Variants in GRID1 observed in about 807,000 individuals in gnomAD.
GRID1 encodes glutamate receptor ionotropic, delta-1.
A neutral mutation model predicts 98.0 loss-of-function variants in GRID1; 28 were observed. The observed-to-expected ratio is 0.29, with a 90% confidence interval of 0.21 to 0.39. GRID1 has a LOEUF of 0.39. Among genes scored for constraint, GRID1 ranks in the 10% least tolerant of loss-of-function variants. GRID1 has a pLI of 1.00. For missense variants in GRID1, 1,111 were observed against 1,340.5 expected (o/e 0.83, Z 2.67); for synonymous variants, 553 against 538.5 (o/e 1.03, Z -0.37).
At chr10:85,986,763 G>A (rs1462285738) in intron 4 of GRID1, among the ~76,000 whole-genome samples, 1 of 152,200 alleles carries the variant, frequency 6.6e-6, no homozygotes. Flanking sequence ...AGTGTTTGCA[G>A]AGCTCTAGTT....
intron 4 of GRID1, among the ~76,000 whole-genome samples, chr10:85,998,720 A>C (rs1281228246): frequency 2.0e-5 from 3 of 152,224 alleles, no homozygotes; most frequent in Middle Eastern, 3.2e-3. Flanking sequence ...CTTTGAAAAC[A>C]TCAGCAAATT....
At chr10:85,901,336 TC>T (rs1235491060) in intron 5 of GRID1, among the ~76,000 whole-genome samples, 1 of 152,110 alleles carries the variant, frequency 6.6e-6, no homozygotes, top group Admixed American at 6.5e-5. Flanking sequence ...AAGCTCTGCC[TC>T]ATGGGTTCAC....
chr10:86,139,044 G>A lies in GRID1; in HGVS notation c.521-20C>T, dbSNP rs772200599. On this transcript the variant is annotated intron_variant, in intron 3 of 15. Transcript: ENST00000327946. Reference sequence around the variant, plus strand: ...GGATATCTGAGCAGTGAGAGAAGAGGAGGAAAAGAAAAATCATCTTTAAGT... The same window carrying A: ...GGATATCTGAGCAGTGAGAGAAGAGAAGGAAAAGAAAAATCATCTTTAAGT... 3 of 1,580,972 alleles carry A rather than the reference G, an allele frequency of 1.9e-6. No homozygotes were observed. Among genetic ancestry groups the A allele is most frequent in the South Asian group, 1.1e-5 (1 of 90,320 alleles).
chr10:86,153,240 G>A (rs931333170), intron 3 of GRID1, among the ~76,000 whole-genome samples: 15 of 152,096 alleles, frequency 9.9e-5, no homozygotes, highest in Admixed American at 3.9e-4. Flanking sequence ...ACACACACAC[G>A]CTCAGGTATT....
At chr10:85,926,476 G>A (rs1181952971) in intron 4 of GRID1, among the ~76,000 whole-genome samples, 1 of 152,130 alleles carries the variant, frequency 6.6e-6, no homozygotes, top group Non-Finnish European at 1.5e-5. Flanking sequence ...CAAGCAGTTG[G>A]GTCCCAGACC....
chr10:86,041,032 G>T (rs1025007249), intron 4 of GRID1, among the ~76,000 whole-genome samples: 1 of 152,102 alleles, frequency 6.6e-6, no homozygotes, highest in African/African-American at 2.4e-5. Context: ...CCTCTCCTGC[G>T]CAGTTCCTGA....
chr10:85,690,583 G>C (rs893682636), intron 12 of GRID1, among the ~76,000 whole-genome samples: 1 of 152,106 alleles, frequency 6.6e-6, no homozygotes, highest in South Asian at 2.1e-4. Flanking sequence ...AGTCTAAAAA[G>C]TCTATCAAAA....
intron 4 of GRID1, among the ~76,000 whole-genome samples, chr10:86,135,062 C>A (rs1171683478): frequency 2.0e-5 from 3 of 152,212 alleles, no homozygotes; most frequent in Non-Finnish European, 4.4e-5. Flanking sequence ...CCAGCAGCCA[C>A]CAGCAGGATT....
chr10:86,105,580 G>A (rs986865175), intron 4 of GRID1, among the ~76,000 whole-genome samples: 9 of 152,166 alleles, frequency 5.9e-5, no homozygotes, highest in African/African-American at 2.2e-4. Flanking sequence ...GAGCCCTAGG[G>A]GCCAGCTGCC....
chr10:86,263,197 T>C (rs1284344430), intron 2 of GRID1, among the ~76,000 whole-genome samples: 2 of 152,254 alleles, frequency 1.3e-5, no homozygotes, highest in Non-Finnish European at 2.9e-5. Context: ...ATTTATCCAT[T>C]AATCTGACAT....
At chr10:86,094,201 G>A (rs1314412295) in intron 4 of GRID1, among the ~76,000 whole-genome samples, 1 of 152,152 alleles carries the variant, frequency 6.6e-6, no homozygotes, top group Non-Finnish European at 1.5e-5. Context: ...ATACCTTAAT[G>A]TAATAAAAGC....
chr10:85,650,286 C>T (rs192984162), intron 12 of GRID1: 110 of 152,276 alleles, frequency 7.2e-4, no homozygotes, highest in African/African-American at 2.5e-3. Context: ...GGAGGCTTCA[C>T]CAGGAGGAGG....
At chr10:85,685,275 C>T (rs1841256036) in intron 12 of GRID1, among the ~76,000 whole-genome samples, 1 of 152,110 alleles carries the variant, frequency 6.6e-6, no homozygotes, top group Non-Finnish European at 1.5e-5. Context: ...TTTTTCCATA[C>T]ACCAGCTATA....
At chr10:85,851,238 G>A (rs1843055885) in intron 8 of GRID1, among the ~76,000 whole-genome samples, 1 of 152,060 alleles carries the variant, frequency 6.6e-6, no homozygotes, top group Non-Finnish European at 1.5e-5. Flanking sequence ...CAAATGTCAG[G>A]CCAATGCCTG....
chr10:85,877,193 A>T (rs934972087), intron 5 of GRID1, among the ~76,000 whole-genome samples: 2 of 152,226 alleles, frequency 1.3e-5, no homozygotes, highest in African/African-American at 4.8e-5. Flanking sequence ...ACAGACAAAC[A>T]AAAACACAGC....
chr10:86,136,164 T>C (rs574565266), intron 4 of GRID1, among the ~76,000 whole-genome samples: 181 of 152,264 alleles, frequency 1.2e-3, no homozygotes, highest in African/African-American at 4.0e-3. Flanking sequence ...CTCCAGGTGG[T>C]GAGGAAGGCT....
chr10:86,032,169 T>C (rs1021526320), intron 4 of GRID1, among the ~76,000 whole-genome samples: 5 of 152,212 alleles, frequency 3.3e-5, no homozygotes, highest in African/African-American at 1.2e-4. Flanking sequence ...TGGCATGTAA[T>C]AGGTGCTCAT....
intron 4 of GRID1, among the ~76,000 whole-genome samples, chr10:86,031,930 G>A (rs1035078757): frequency 1.3e-5 from 2 of 152,116 alleles, no homozygotes; most frequent in African/African-American, 4.8e-5. Context: ...CGTCCCATTG[G>A]TTCACTCTGT....
chr10:86,102,970 G>A (rs369856691), intron 4 of GRID1, among the ~76,000 whole-genome samples: 4 of 152,132 alleles, frequency 2.6e-5, no homozygotes, highest in East Asian at 1.9e-4. Flanking sequence ...CCCTGCAGAC[G>A]TTCTGTTGCC....
Sources: gnomAD v4.1 joint callset for allele counts (sites outside exome capture counted in the v4.1 genomes callset) on GRCh38, gnomAD v4.1.1 for gene constraint, MANE v1.5 for transcripts, NCBI Gene and HGNC (gene_info 2026-07-23, HGNC 2026-07-21) for gene names.